The following EPS15 variants were observed in gnomAD, a reference collection of about 807,000 sequenced individuals.
The protein encoded by EPS15 is epidermal growth factor receptor pathway substrate 15, also known as epidermal growth factor receptor substrate 15.
A neutral mutation model predicts 113.8 loss-of-function variants in EPS15; 72 were observed. The ratio of observed to expected loss-of-function variants is 0.63; its 90% CI spans 0.52 to 0.77. The LOEUF is 0.77. Among genes scored for constraint, EPS15 ranks in the 30% least tolerant of loss-of-function variants. EPS15 has a pLI of 0.00. For synonymous variants in EPS15, 344 were observed against 363.4 expected (o/e 0.95, Z 0.61); for missense variants, 1,048 against 1,045.8 (o/e 1.00, Z -0.03).
intron 21 of EPS15, among the ~76,000 whole-genome samples, chr1:51,383,098 A>G (rs1481433899): frequency 1.3e-5 from 2 of 152,254 alleles, no homozygotes; most frequent in Non-Finnish European, 2.9e-5. Flanking sequence ...AATGTAATAC[A>G]CCACATTAAC....
At chr1:51,445,963 T>C (rs1557477128) in intron 10 of EPS15, among the ~76,000 whole-genome samples, 1 of 152,238 alleles carries the variant, frequency 6.6e-6, no homozygotes, top group Non-Finnish European at 1.5e-5. Context: ...GTGCCTACCC[T>C]AGGCACTCAA....
At chr1:51,419,690 C>A (rs142759420) in intron 13 of EPS15, among the ~76,000 whole-genome samples, 1 of 152,048 alleles carries the variant, frequency 6.6e-6, no homozygotes, top group African/African-American at 2.4e-5. Flanking sequence ...TTGCCTTTTG[C>A]CAGGGAAATT....
At chr1:51,394,305 A>T in intron 21 of EPS15, 76 bp downstream of exon 21, 1 of 874,178 alleles carries the variant, frequency 1.1e-6, no homozygotes, top group South Asian at 1.8e-5. Context: ...CAGGACAAAT[A>T]TATTTAGAGA....
intron 21 of EPS15, among the ~76,000 whole-genome samples, chr1:51,381,528 G>A (rs144318701): frequency 1.3e-3 from 194 of 152,278 alleles, no homozygotes; most frequent in African/African-American, 4.5e-3. Flanking sequence ...GGGAGGCAGA[G>A]GTTGCAGTGA....
intron 20 of EPS15, among the ~76,000 whole-genome samples, chr1:51,394,757 G>A (rs991622641): frequency 1.3e-5 from 2 of 152,172 alleles, no homozygotes; most frequent in African/African-American, 4.8e-5. Context: ...TACCTCAGAA[G>A]TCTTCATGTG....
At chr1:51,446,055 T>C (rs1210139849) in intron 10 of EPS15, among the ~76,000 whole-genome samples, 1 of 152,230 alleles carries the variant, frequency 6.6e-6, no homozygotes, top group Non-Finnish European at 1.5e-5. Flanking sequence ...ATCTACTTAC[T>C]GTCTGCCTCC....
intron 1 of EPS15, among the ~76,000 whole-genome samples, chr1:51,495,793 GATGATT>G (rs1392260033): frequency 6.6e-6 from 1 of 152,142 alleles, no homozygotes; most frequent in African/African-American, 2.4e-5. Flanking sequence ...AATTGGGTGG[GATGATT>G]AATAACCCAG....
intron 1 of EPS15, among the ~76,000 whole-genome samples, chr1:51,496,370 T>C (rs539263368): frequency 1.3e-5 from 2 of 152,312 alleles, no homozygotes; most frequent in African/African-American, 4.8e-5. Context: ...ATTGTAACAT[T>C]TGAACTTGAT....
rs1653222805 is a variant in EPS15, at chr1:51,448,167, T to C, written c.562-32A>G. ...AATAAATGAACCAGGGTCATATATA[T>C]TAAAAGCACTTAACATCCACCCACT... On this transcript the variant is annotated intron_variant, in intron 8 of 24. Coordinates refer to ENST00000371733, the MANE Select transcript of EPS15 (RefSeq NM_001981.3). 3.1e-6 allele frequency: 4 copies of C among 1,306,372 alleles called. No individual in the cohort carries two copies. In the South Asian group the frequency reaches 3.7e-5, roughly 12 times the overall value. 80.9% of individuals were successfully genotyped at this position (1,306,372 alleles called of 1,614,324 possible). A position where few individuals can be genotyped will look rare whatever the true frequency, so the allele number is the denominator to read the frequency against.
chr1:51,394,875 A>G (rs561422916), intron 20 of EPS15, among the ~76,000 whole-genome samples: 6 of 152,028 alleles, frequency 3.9e-5, no homozygotes, highest in Non-Finnish European at 8.8e-5. Flanking sequence ...CTTATTTTTT[A>G]GAGACAGGGT....
intron 21 of EPS15, among the ~76,000 whole-genome samples, chr1:51,379,762 C>G (rs1482109101): frequency 6.6e-6 from 1 of 151,474 alleles, no homozygotes; most frequent in Non-Finnish European, 1.5e-5. Flanking sequence ...ACTAAAAATA[C>G]AAAAATTAGT....
chr1:51,501,681 G>C (rs530286600), intron 1 of EPS15, among the ~76,000 whole-genome samples: 1 of 151,978 alleles, frequency 6.6e-6, no homozygotes, highest in South Asian at 2.1e-4. Context: ...GTTTCGCCTC[G>C]TTGGCCAGGC....
intron 8 of EPS15, among the ~76,000 whole-genome samples, chr1:51,457,040 C>T (rs1654049520): frequency 6.6e-6 from 1 of 152,150 alleles, no homozygotes; most frequent in Non-Finnish European, 1.5e-5. Context: ...AATCCCAGCA[C>T]TTTTGGAGGC....
chr1:51,404,543 A>G (rs1359274578), intron 16 of EPS15, among the ~76,000 whole-genome samples: 1 of 152,054 alleles, frequency 6.6e-6, no homozygotes, highest in Non-Finnish European at 1.5e-5. Flanking sequence ...CACTTTTAAT[A>G]CCTCTCAAAC....
intron 13 of EPS15, among the ~76,000 whole-genome samples, chr1:51,410,312 GC>G (rs1275775072): frequency 1.3e-5 from 2 of 151,574 alleles, no homozygotes; most frequent in African/African-American, 4.8e-5. Flanking sequence ...GATCTCTTGA[GC>G]CCAGGAGGTC....
chr1:51,387,904 A>G (rs1443247240), intron 21 of EPS15, among the ~76,000 whole-genome samples: 1 of 152,216 alleles, frequency 6.6e-6, no homozygotes, highest in Non-Finnish European at 1.5e-5. Context: ...AACATTAGAC[A>G]GATCAATGAG....
intron 21 of EPS15, among the ~76,000 whole-genome samples, chr1:51,370,324 G>C (rs144428868): frequency 2.6e-5 from 4 of 152,238 alleles, no homozygotes; most frequent in African/African-American, 9.6e-5. Context: ...GAAATGCTTG[G>C]GAGAAGGAGT....
At chr1:51,453,895 C>G (rs1653767915) in intron 8 of EPS15, among the ~76,000 whole-genome samples, 1 of 151,738 alleles carries the variant, frequency 6.6e-6, no homozygotes, top group Non-Finnish European at 1.5e-5. Flanking sequence ...ACTAAAAATA[C>G]AAAAATTAGC....
In EPS15 at chr1:51,394,445, T is replaced by C. The variant is rs765812750; in HGVS notation, c.2055A>G (p.Val685=). 3 of 1,597,806 alleles carry C rather than the reference T, an allele frequency of 1.9e-6. No individual in the cohort carries two copies. In the Admixed American group the frequency reaches 5.1e-5, roughly 27 times the overall value. ...SAANNSSITS[V]ETLKHNDPFA... is the part of the protein sequence containing the mutation. ...AAGGATCATTGTGCTTCAACGTTTC[T>C]ACCTAAACAAAGCATACAAAACCAT... Residue 685 remains valine (V), a splice_region_variant and synonymous_variant, in exon 21 of 25, where the codon GTA becomes GTG. Transcript: ENST00000371733.
Sources: gnomAD v4.1 joint callset for allele counts (sites outside exome capture counted in the v4.1 genomes callset) on GRCh38, gnomAD v4.1.1 for gene constraint, MANE v1.5 for transcripts, NCBI Gene and HGNC (gene_info 2026-07-23, HGNC 2026-07-21) for gene names.